Variants in GPR179 observed in about 807,000 individuals in gnomAD.
The protein encoded by GPR179 is probable G protein-coupled receptor 179.
In GPR179, 52 loss-of-function variants were observed where a neutral mutation model predicts 70.8. The ratio of observed to expected loss-of-function variants is 0.73; its 90% confidence interval spans 0.59 to 0.93. GPR179 has a LOEUF of 0.93. GPR179 is among the 40% of genes least tolerant of loss of function. GPR179 has a pLI of 0.00. For synonymous variants in GPR179, 1,123 were observed against 1,169.0 expected (o/e 0.96, Z 0.80); for missense variants, 2,734 against 2,966.8 (o/e 0.92, Z 1.82).
Position 38,331,106 on chromosome 17 carries a change from G to A in GPR179, c.2463C>T (p.His821=). Residue 821 remains histidine (H), a synonymous_variant, in exon 11 of 11, where the codon CAC becomes CAT. Coordinates refer to ENST00000616987, the MANE Select transcript of GPR179 (RefSeq NM_001004334.4). ...GTAGCCTCTCTCCCACCGTCAGGTTGTGGGCGCTGGCTGACCTGAAGCCCA... is the reference window on the plus strand; with the variant it reads ...GTAGCCTCTCTCCCACCGTCAGGTTATGGGCGCTGGCTGACCTGAAGCCCA... The part of the protein sequence containing the change: ...PALGFRSASA[H]NLTVGERLPR... 1 of 1,602,272 alleles carries A rather than the reference G, an allele frequency of 6.2e-7. No individual in the cohort carries two copies. Among genetic ancestry groups the A allele is most frequent in the Non-Finnish European group, 8.5e-7 (1 of 1,179,474 alleles).
intron 10 of GPR179, 42 bp from the exon 11 acceptor site, chr17:38,331,573 C>T: frequency 1.3e-6 from 2 of 1,556,390 alleles, no homozygotes; most frequent in South Asian, 1.2e-5. Flanking sequence ...CAGGTGAGCT[C>T]TCTCCATCCC....
Position 38,327,635 on chromosome 17 carries a change from G to A in GPR179, c.5934C>T (p.Asp1978=). ...SVSHLDRQRP[D]QPKASSQRLV... is the part of the protein sequence containing the mutation. ...GTCTCTGGGAGCTAGCTTTAGGTTG[G>A]TCAGGGCGCTGTCTGTCTAGGTGAG... The change falls in exon 11 of 11, where the codon GAC becomes GAT. Residue 1978 remains aspartate (D), a synonymous_variant. Transcript: ENST00000616987. 6.2e-7 allele frequency: 1 copy of A among 1,614,228 alleles called. No individual in the cohort carries two copies. Among genetic ancestry groups the A allele is most frequent in the Non-Finnish European group, 8.5e-7 (1 of 1,180,044 alleles).
intron 4 of GPR179, 124 bp downstream of exon 4, chr17:38,336,854 A>C: frequency 4.0e-6 from 4 of 996,760 alleles, no homozygotes; most frequent in Non-Finnish European, 5.9e-6. Flanking sequence ...ATCATGCTAC[A>C]CAGTGAGTTA....
chr17:38,328,734 C>G lies in GPR179; in HGVS notation c.4835G>C (p.Arg1612Thr). 6.2e-7 allele frequency: 1 copy of G among 1,613,944 alleles called. No homozygotes were observed. The highest frequency in any genetic ancestry group is 8.5e-7 in the Non-Finnish European group (1 of 1,179,978). ...CTTGTCCTTTTGAGATTCTCCTCCT[C>G]TTGGCACCTGTGCTGATGTCCATTC... ...REEWTSAQVP[R>T]GGESQKDKEK... Residue 1612 changes from arginine to threonine, a missense_variant, in exon 11 of 11, where the codon AGA becomes ACA. By Grantham distance (71) the Arg-to-Thr change is moderately conservative. Coordinates refer to ENST00000616987, the MANE Select transcript of GPR179 (RefSeq NM_001004334.4).
rs745554157 is a variant in GPR179 at position 38,330,029 on chromosome 17, G to A, written c.3540C>T (p.Gly1180=). 3.1e-6 allele frequency: 5 copies of A among 1,614,212 alleles called. No homozygotes were observed. The highest frequency in any genetic ancestry group is 4.2e-6 in the Non-Finnish European group (5 of 1,180,034). Residue 1180 remains glycine (G), a synonymous_variant, in exon 11 of 11, where the codon GGC becomes GGT. Coordinates refer to ENST00000616987, the MANE Select transcript of GPR179 (RefSeq NM_001004334.4). Reference sequence around the variant, plus strand: ...CCCCTAGACCCTGGGTCATCCTCCTGCCTCTGTCTTCTTGTTCCCTGCTGC... The same window carrying A: ...CCCCTAGACCCTGGGTCATCCTCCTACCTCTGTCTTCTTGTTCCCTGCTGC... ...REGSREQEDR[G]RRMTQGLGER... is the part of the protein sequence containing the mutation.
intron 1 of GPR179, among the ~76,000 whole-genome samples, chr17:38,341,876 G>A (rs1305083022): frequency 6.6e-6 from 1 of 152,108 alleles, no homozygotes; most frequent in African/African-American, 2.4e-5. Flanking sequence ...CCAGCAATTT[G>A]GGAGGCCGAG....
At chr17:38,333,163 C>T in intron 10 of GPR179, 88 bp downstream of exon 10, 1 of 1,220,580 alleles carries the variant, frequency 8.2e-7, no homozygotes, top group Non-Finnish European at 1.2e-6. Flanking sequence ...CTTGCAGTGG[C>T]ACATAGCCCA....
Position 38,330,981 on chromosome 17 carries a change from T to C in GPR179, c.2588A>G (p.Tyr863Cys). ...MASQAYLEET[Y>C]RQAKEREERK... ...CTCCTCCCGCTCCTTTGCTTGCCGG[T>C]AGGTCTCCTCCAGGTAGGCCTGGCT... The change falls in exon 11 of 11, where the codon TAC (tyrosine) becomes TGC (cysteine). Residue 863 changes from tyrosine (Y) to cysteine (C), a missense_variant. By Grantham distance (194) the Tyr-to-Cys change is radical. Coordinates refer to ENST00000616987, the MANE Select transcript of GPR179 (RefSeq NM_001004334.4). 2 of 1,612,288 alleles carry C rather than the reference T, an allele frequency of 1.2e-6. No individual in the cohort carries two copies. Among genetic ancestry groups the C allele is most frequent in the South Asian group, 1.1e-5 (1 of 90,834 alleles).
At chr17:38,336,855 C>G in intron 4 of GPR179, 123 bp downstream of exon 4, 2 of 1,007,458 alleles carry the variant, frequency 2.0e-6, no homozygotes, top group Non-Finnish European at 2.9e-6. Flanking sequence ...TCATGCTACA[C>G]AGTGAGTTAG....
Position 38,334,866 on chromosome 17 carries a change from G to C in GPR179, c.1646-24C>G. On this transcript the variant is annotated intron_variant, in intron 7 of 10. Transcript: ENST00000616987. This position sits in a 1 kb window ranked among gnomAD's most constrained non-coding sequence, Gnocchi z 4.7. ...AGCTGTGGGGAGACAGGGAGGGAGA[G>C]AGCCGGCACCACCTCAGCAGCTGTC... is the stretch of plus-strand genomic sequence containing the variant. The C allele has an allele frequency of 6.2e-7, 1 of 1,608,536 alleles. No homozygotes were observed. The highest frequency in any genetic ancestry group is 8.5e-7 in the Non-Finnish European group (1 of 1,178,144).
chr17:38,339,424 C>A lies in GPR179; in HGVS notation c.896G>T (p.Ser299Ile), dbSNP rs1376146265. The change falls in exon 2 of 11, where the codon AGC becomes ATC. Residue 299 changes from serine to isoleucine, a missense_variant. By Grantham distance (142) the Ser-to-Ile change is moderately radical. Coordinates refer to ENST00000616987, the MANE Select transcript of GPR179 (RefSeq NM_001004334.4). Reference sequence around the variant, plus strand: ...CATCCTCCTCATCCTTACCTGGGTGCTGTTGAGATCACACAGGTGTGTGTT... The same window carrying A: ...CATCCTCCTCATCCTTACCTGGGTGATGTTGAGATCACACAGGTGTGTGTT... ...YSNTHLCDLN[S>I]TQCVPLESQG... 4 of 1,603,434 alleles carry A rather than the reference C, an allele frequency of 2.5e-6. No individual in the cohort carries two copies. Among genetic ancestry groups the A allele is most frequent in the Non-Finnish European group, 3.4e-6 (4 of 1,170,354 alleles).
Position 38,343,229 on chromosome 17 carries a change from G to C in GPR179, c.561C>G (p.Asn187Lys), listed in dbSNP as rs759443922. Residue 187 changes from asparagine to lysine, a missense_variant, in exon 1 of 11, where the codon AAC becomes AAG. Transcript: ENST00000616987. This position sits in a 1 kb window ranked among gnomAD's most constrained non-coding sequence, Gnocchi z 4.2. ...DLSGNWVQEE[N>K]PPGDLDTPAL... Reference sequence around the variant, plus strand: ...CAGGGGTGTCCAGGTCCCCAGGAGGGTTCTCCTCCTGCACCCAGTTCCCAG... The same window carrying C: ...CAGGGGTGTCCAGGTCCCCAGGAGGCTTCTCCTCCTGCACCCAGTTCCCAG... 55 of 1,613,922 alleles carry C rather than the reference G, an allele frequency of 3.4e-5. No individual in the cohort carries two copies. Among genetic ancestry groups the C allele is most frequent in the Non-Finnish European group, 4.1e-5 (48 of 1,179,914 alleles).
At position 38,326,743 on chromosome 17, in the gene GPR179, A is replaced by G. The variant is rs755395204; in HGVS notation, c.6826T>C (p.Cys2276Arg). 1.9e-6 allele frequency: 3 copies of G among 1,614,222 alleles called. No homozygotes were observed. The highest frequency in any genetic ancestry group is 3.3e-5 in the Admixed American group (2 of 60,028). ...FFPTAPEKPLCLLVHGPLDHF... is the reference protein window; with the variant it reads ...FFPTAPEKPLRLLVHGPLDHF... ...TCCAGAGGCCCATGGACTAAAAGGCATAGTGGTTTTTCAGGAGCTGTGGGG... is the reference window on the plus strand; with the variant it reads ...TCCAGAGGCCCATGGACTAAAAGGCGTAGTGGTTTTTCAGGAGCTGTGGGG... The change falls in exon 11 of 11, where the codon TGC (cysteine) becomes CGC (arginine). Residue 2276 changes from cysteine (C) to arginine (R), a missense_variant. Cys to Arg is a radical substitution (Grantham distance 180). Transcript: ENST00000616987.
Position 38,326,674 on chromosome 17 carries a change from T to G in GPR179, c.6895A>C (p.Arg2299=). ...ESKIPCPKVS[R]PASTFTLEGV... is the part of the protein sequence containing the mutation. ...TCTAGAGTGAAAGTACTGGCTGGCCTGCTTACCTTGGGGCAGGGGATTTTG... is the reference window on the plus strand; with the variant it reads ...TCTAGAGTGAAAGTACTGGCTGGCCGGCTTACCTTGGGGCAGGGGATTTTG... Residue 2299 remains arginine, a synonymous_variant, in exon 11 of 11, where the codon AGG becomes CGG. Coordinates refer to ENST00000616987, the MANE Select transcript of GPR179 (RefSeq NM_001004334.4). The G allele has an allele frequency of 6.2e-7, 1 of 1,614,182 alleles. No individual in the cohort carries two copies. Among genetic ancestry groups the G allele is most frequent in the South Asian group, 1.1e-5 (1 of 91,078 alleles).
In GPR179 at chr17:38,336,088, C is replaced by A. The variant is rs754546510; in HGVS notation, c.1284G>T (p.Leu428=). Residue 428 remains leucine, a synonymous_variant, in exon 5 of 11, where the codon CTG becomes CTT. Transcript: ENST00000616987. ...LLETVLFGFL[L]LYFPVFILYF... ...GCCACAGACTCACAGGAAAGTAAAG[C>A]AGCAGGAATCCAAAAAGGACAGTTT... The A allele has an allele frequency of 2.5e-6, 4 of 1,613,292 alleles. No homozygotes were observed. The South Asian group carries it at 4.4e-5, about 18-fold the overall frequency.
In GPR179 at chr17:38,326,686, G is replaced by A; in HGVS notation, c.6883C>T (p.Pro2295Ser). 1 of 1,614,148 alleles carries A rather than the reference G, an allele frequency of 6.2e-7. No homozygotes were observed. The highest frequency in any genetic ancestry group is 1.7e-5 in the Admixed American group (1 of 60,014). Residue 2295 changes from proline to serine, a missense_variant, in exon 11 of 11, where the codon CCC (proline) becomes TCC (serine). Physicochemically the swap from Pro to Ser is moderately conservative, Grantham distance 74 (BLOSUM62 -1). Transcript: ENST00000616987. Reference sequence around the variant, plus strand: ...GTACTGGCTGGCCTGCTTACCTTGGGGCAGGGGATTTTGCTTTCTGGAAAG... The same window carrying A: ...GTACTGGCTGGCCTGCTTACCTTGGAGCAGGGGATTTTGCTTTCTGGAAAG... ...HFFPESKIPCPKVSRPASTFT... is the reference protein window; with the variant it reads ...HFFPESKIPCSKVSRPASTFT...
Position 38,334,921 on chromosome 17 carries a change from G to A in GPR179, c.1646-79C>T. ...CCCTTTCTCTGAAAGATGTGCTGGG[G>A]GGAGCCTGGGCTCGGGGTCTGGGGA... On this transcript the variant is annotated intron_variant, in intron 7 of 10. Coordinates refer to ENST00000616987, the MANE Select transcript of GPR179 (RefSeq NM_001004334.4). The surrounding 1 kb of genome is among the most constrained non-coding windows in gnomAD (Gnocchi z 4.7). 4 of 1,596,976 alleles carry A rather than the reference G, an allele frequency of 2.5e-6. No individual in the cohort carries two copies. Among genetic ancestry groups the A allele is most frequent in the Non-Finnish European group, 3.4e-6 (4 of 1,168,320 alleles).
chr17:38,339,694 G>T (rs1052775006), intron 1 of GPR179, among the ~76,000 whole-genome samples, 169 bp from the exon 2 acceptor site: 1 of 152,122 alleles, frequency 6.6e-6, no homozygotes, highest in South Asian at 2.1e-4. Flanking sequence ...AGGTCTCTCC[G>T]ACCTTCTCCT....
In GPR179 at chr17:38,329,828, C is replaced by T; in HGVS notation, c.3741G>A (p.Glu1247=). 3 of 1,614,202 alleles carry T rather than the reference C, an allele frequency of 1.9e-6. No individual in the cohort carries two copies. The highest frequency in any genetic ancestry group is 4.5e-5 in the East Asian group (2 of 44,890). ...DHRVAEVCPW[E]VTESETRQPD... The stretch of plus-strand genomic sequence containing the variant: ...GCTGACGCGTTTCTGATTCAGTGAC[C>T]TCCCAGGGGCATACCTCTGCCACCC... The change falls in exon 11 of 11, where the codon GAG becomes GAA. Residue 1247 remains glutamate (E), a synonymous_variant. Coordinates refer to ENST00000616987, the MANE Select transcript of GPR179 (RefSeq NM_001004334.4).
Sources: allele counts gnomAD v4.1 joint callset (sites outside exome capture counted in the v4.1 genomes callset), GRCh38; gene constraint gnomAD v4.1.1; non-coding constraint Gnocchi (gnomAD v3.1); transcripts MANE v1.5; gene names NCBI Gene and HGNC (gene_info 2026-07-23, HGNC 2026-07-21).